The following SLC47A2 variants were observed in gnomAD, a reference collection of about 807,000 sequenced individuals.
The protein encoded by SLC47A2 is solute carrier family 47 member 2.
SLC47A2 carries 52 observed loss-of-function variants against 67.7 expected under a neutral mutation model. That is an observed-to-expected ratio of 0.77 (90% CI 0.61 to 0.97). The LOEUF (loss-of-function observed/expected upper bound fraction) is 0.97. Among genes scored for constraint, SLC47A2 ranks in the 50% least tolerant of loss-of-function variants. The pLI is 0.00. For synonymous variants in SLC47A2, 278 were observed against 292.9 expected (o/e 0.95, Z 0.52); for missense variants, 676 against 712.3 (o/e 0.95, Z 0.58).
At chr17:19,683,061 A>G (rs77557711) in intron 13 of SLC47A2, among the ~76,000 whole-genome samples, 1 of 152,360 alleles carries the variant, frequency 6.6e-6, no homozygotes, top group East Asian at 1.9e-4. Flanking sequence ...TAGGAGATGT[A>G]TGCCTCTTGA....
chr17:19,710,042 A>T (rs2086053944), intron 5 of SLC47A2, among the ~76,000 whole-genome samples: 1 of 152,148 alleles, frequency 6.6e-6, no homozygotes, highest in Admixed American at 6.5e-5. Context: ...CTGGGACTGC[A>T]CACTGTTGGG....
Position 19,702,666 on chromosome 17 carries a change from A to G in SLC47A2, c.1103T>C (p.Ile368Thr), listed in dbSNP as rs1597619373. Reference protein sequence around the residue: ...GHIFTNDEDVIALVSQVLPVY... With the variant: ...GHIFTNDEDVTALVSQVLPVY... ...CGGCAAGACCTGGCTCACCAGGGCA[A>G]TGACATCTCTGCAGAAGAAATGAGA... Residue 368 changes from isoleucine (I) to threonine (T), a missense_variant, in exon 13 of 17, where the codon ATT becomes ACT. Coordinates refer to ENST00000433844, the MANE Select transcript of SLC47A2 (RefSeq NM_001099646.3). 1 of 1,614,066 alleles carries G rather than the reference A, an allele frequency of 6.2e-7. No homozygotes were observed. The highest frequency in any genetic ancestry group is 1.1e-5 in the South Asian group (1 of 91,016).
intron 13 of SLC47A2, among the ~76,000 whole-genome samples, chr17:19,699,855 A>G (rs905884194): frequency 2.6e-5 from 4 of 152,260 alleles, no homozygotes; most frequent in African/African-American, 7.2e-5. Context: ...TATTGATGAT[A>G]GCAAAAACTA....
chr17:19,708,623 G>T, intron 6 of SLC47A2, 93 bp downstream of exon 6: 1 of 1,593,870 alleles, frequency 6.3e-7, no homozygotes, highest in South Asian at 1.1e-5. Flanking sequence ...GTTCACAGAT[G>T]GTGGAGAGAA....
chr17:19,706,627 C>A, intron 9 of SLC47A2, 21 bp downstream of exon 9: 1 of 1,553,650 alleles, frequency 6.4e-7, no homozygotes, highest in South Asian at 1.2e-5. Context: ...GCCATTGCGC[C>A]CCCCATCCTC....
intron 5 of SLC47A2, among the ~76,000 whole-genome samples, chr17:19,710,053 A>C (rs1483450343): frequency 6.6e-6 from 1 of 152,114 alleles, no homozygotes. Flanking sequence ...CACTGTTGGG[A>C]CACCCCACCT....
intron 2 of SLC47A2, 151 bp downstream of exon 2, chr17:19,714,965 C>G: frequency 8.2e-7 from 1 of 1,223,242 alleles, no homozygotes; most frequent in South Asian, 1.2e-5. Flanking sequence ...CCATCTCCGG[C>G]CCTCAGGTTC....
intron 8 of SLC47A2, 133 bp downstream of exon 8, chr17:19,707,613 G>A (rs1291005240): frequency 8.6e-6 from 6 of 695,520 alleles, no homozygotes; most frequent in Non-Finnish European, 1.4e-5. Context: ...GGGGAAGGAG[G>A]GGGCCGTGCA....
rs1398104528 is a variant in SLC47A2, at chr17:19,704,157, C to T, written c.931G>A (p.Gly311Arg). The T allele has an allele frequency of 1.2e-5, 19 of 1,610,290 alleles. No homozygotes were observed. The highest frequency in any genetic ancestry group is 6.7e-5 in the East Asian group (3 of 44,784). Residue 311 changes from glycine to arginine, a missense_variant, in exon 11 of 17, where the codon GGG becomes AGG. Coordinates refer to ENST00000433844, the MANE Select transcript of SLC47A2 (RefSeq NM_001099646.3). Reference protein sequence around the residue: ...TYMIPLGLSIGVCVRVGMALG... With the variant: ...TYMIPLGLSIRVCVRVGMALG... Reference sequence around the variant, plus strand: ...GCCATCCCCACTCGGACACAGACCCCGATGCTGAGCCCCAAGGGAATCTGG... The same window carrying T: ...GCCATCCCCACTCGGACACAGACCCTGATGCTGAGCCCCAAGGGAATCTGG...
intron 13 of SLC47A2, among the ~76,000 whole-genome samples, chr17:19,690,192 T>C (rs1181347287): frequency 6.6e-6 from 1 of 152,118 alleles, no homozygotes; most frequent in African/African-American, 2.4e-5. Flanking sequence ...CTTCAATAAA[T>C]AATGCCAGGA....
At chr17:19,714,813 C>T (rs2086205758) in intron 2 of SLC47A2, 24 bp from the exon 3 acceptor site, 1 of 1,613,800 alleles carries the variant, frequency 6.2e-7, no homozygotes, top group African/African-American at 1.3e-5. Flanking sequence ...CAGGAGGAAA[C>T]AAGAGCTTGT....
At position 19,716,411 on chromosome 17, in the gene SLC47A2, C is replaced by G. The variant is rs149924161; in HGVS notation, c.123+22G>C. The G allele has an allele frequency of 2.5e-6, 4 of 1,598,236 alleles. No individual in the cohort carries two copies. The South Asian group carries it at 3.4e-5, about 14-fold the overall frequency. Reference sequence around the variant, plus strand: ...CTCAGCTTCCTCCACTCCCTACCTGCCCCCCAGCTCCTCCTCCTTACCAGG... The same window carrying G: ...CTCAGCTTCCTCCACTCCCTACCTGGCCCCCAGCTCCTCCTCCTTACCAGG... On this transcript the variant is annotated intron_variant, in intron 1 of 16. Coordinates refer to ENST00000433844, the MANE Select transcript of SLC47A2 (RefSeq NM_001099646.3).
chr17:19,714,924 A>C, intron 2 of SLC47A2, 135 bp from the exon 3 acceptor site: 2 of 1,353,552 alleles, frequency 1.5e-6, no homozygotes, highest in Non-Finnish European at 2.1e-6. Flanking sequence ...CAGCAGCCTC[A>C]TGTGCTGTGT....
At chr17:19,712,063 G>A (rs1403175275) in intron 5 of SLC47A2, among the ~76,000 whole-genome samples, 3 of 152,048 alleles carry the variant, frequency 2.0e-5, no homozygotes, top group African/African-American at 4.8e-5. Context: ...GTTTATGTGT[G>A]TGTTTGAATA....
At chr17:19,687,550 T>C (rs2085454493) in intron 13 of SLC47A2, among the ~76,000 whole-genome samples, 1 of 149,844 alleles carries the variant, frequency 6.7e-6, no homozygotes, top group East Asian at 1.9e-4. Context: ...ATACAAAAGA[T>C]CAATGAAATG....
chr17:19,707,475 G>A (rs1018812915), intron 8 of SLC47A2, among the ~76,000 whole-genome samples: 3 of 152,148 alleles, frequency 2.0e-5, no homozygotes, highest in East Asian at 1.9e-4. Context: ...TGCTCTCACC[G>A]CCATCCTGAG....
chr17:19,705,220 T>G (rs1267850468), intron 10 of SLC47A2: 3 of 497,628 alleles, frequency 6.0e-6, no homozygotes, highest in African/African-American at 4.0e-5. Flanking sequence ...TTCCAACATC[T>G]GTGAGTGAAA....
At chr17:19,682,950 T>C (rs1357056514) in intron 13 of SLC47A2, among the ~76,000 whole-genome samples, 1 of 152,246 alleles carries the variant, frequency 6.6e-6, no homozygotes, top group African/African-American at 2.4e-5. Context: ...GTCAGGATTA[T>C]TGGCCAATAG....
chr17:19,701,836 C>T (rs1472810133), intron 13 of SLC47A2, among the ~76,000 whole-genome samples: 1 of 152,160 alleles, frequency 6.6e-6, no homozygotes, highest in Non-Finnish European at 1.5e-5. Context: ...GCCATGCCTC[C>T]ACCATGCCAG....
Sources: allele counts gnomAD v4.1 joint callset (sites outside exome capture counted in the v4.1 genomes callset), GRCh38; gene constraint gnomAD v4.1.1; transcripts MANE v1.5; gene names NCBI Gene and HGNC (gene_info 2026-07-23, HGNC 2026-07-21).